PTPN14: variants seen among roughly 807,000 people sequenced by gnomAD.
PTPN14 encodes the protein protein tyrosine phosphatase non-receptor type 14, also known as tyrosine-protein phosphatase non-receptor type 14.
PTPN14 carries 53 observed loss-of-function variants against 126.8 expected under a neutral mutation model. That is an observed-to-expected ratio of 0.42 (90% CI 0.34 to 0.53). The LOEUF is 0.53. Ranked by LOEUF, PTPN14 falls within the 20% of genes least tolerant of loss-of-function variation. The pLI, the probability that PTPN14 is intolerant of heterozygous loss-of-function variation, is 0.08. For synonymous variants in PTPN14, 630 were observed against 599.3 expected (o/e 1.05, Z -0.75); for missense variants, 1,257 against 1,552.9 (o/e 0.81, Z 3.20).
intron 1 of PTPN14, among the ~76,000 whole-genome samples, chr1:214,476,715 G>T (rs1200357041): frequency 1.3e-5 from 2 of 152,164 alleles, no homozygotes; most frequent in Non-Finnish European, 2.9e-5. Flanking sequence ...CCATGCCTAA[G>T]CCACTTACAC....
chr1:214,448,274 A>G (rs1398501921), intron 3 of PTPN14, among the ~76,000 whole-genome samples: 1 of 152,196 alleles, frequency 6.6e-6, no homozygotes, highest in Non-Finnish European at 1.5e-5. Flanking sequence ...TCTGTCGCCC[A>G]GGCTGGAGTG....
At chr1:214,491,130 T>C (rs539199644) in intron 1 of PTPN14, among the ~76,000 whole-genome samples, 1 of 151,918 alleles carries the variant, frequency 6.6e-6, no homozygotes, top group Non-Finnish European at 1.5e-5. Flanking sequence ...CCCAGTGGCA[T>C]GGGCAAGATT....
chr1:214,416,797 A>G (rs1181951999), intron 3 of PTPN14, among the ~76,000 whole-genome samples: 1 of 152,246 alleles, frequency 6.6e-6, no homozygotes, highest in Non-Finnish European at 1.5e-5. Context: ...ACAATTTTGC[A>G]CAAAAGGCAG....
At chr1:214,424,113 T>C (rs896466112) in intron 3 of PTPN14, among the ~76,000 whole-genome samples, 1 of 152,042 alleles carries the variant, frequency 6.6e-6, no homozygotes, top group African/African-American at 2.4e-5. Context: ...CTGGCCAAGA[T>C]GGTGAAACCC....
At chr1:214,475,132 T>C (rs766361419) in intron 1 of PTPN14, among the ~76,000 whole-genome samples, 11 of 152,072 alleles carry the variant, frequency 7.2e-5, no homozygotes, top group Non-Finnish European at 1.5e-4. Context: ...GTGCCTAAAA[T>C]TTCCATAATA....
intron 3 of PTPN14, among the ~76,000 whole-genome samples, chr1:214,434,905 G>T (rs1659878341): frequency 6.6e-6 from 1 of 152,150 alleles, no homozygotes; most frequent in African/African-American, 2.4e-5. Flanking sequence ...CTATGAGACT[G>T]GTTTCTTGAA....
chr1:214,452,107 T>C lies in PTPN14; in HGVS notation c.175-133A>G, dbSNP rs1014654656. 1.6e-5 allele frequency: 16 copies of C among 977,528 alleles called. No homozygotes were observed. The East Asian group carries it at 3.7e-4, about 23-fold the overall frequency. The allele number at this position is 977,528 out of a possible 1,614,324, so 60.6% of individuals were successfully genotyped here. ...CCATATATAAGATCCAGCTTTGACA[T>C]ATAACTTTGGGACTAATCAAAAGAA... On this transcript the variant is annotated intron_variant, in intron 2 of 18. Coordinates refer to ENST00000366956, the MANE Select transcript of PTPN14 (RefSeq NM_005401.5).
intron 1 of PTPN14, among the ~76,000 whole-genome samples, chr1:214,490,794 G>A (rs530138201): frequency 7.0e-6 from 1 of 142,864 alleles, no homozygotes; most frequent in African/African-American, 2.6e-5. Flanking sequence ...CCGAGATTGC[G>A]CCACTGCACT....
intron 3 of PTPN14, among the ~76,000 whole-genome samples, chr1:214,447,446 A>G (rs1451136345): frequency 6.6e-6 from 1 of 152,136 alleles, no homozygotes; most frequent in East Asian, 1.9e-4. Context: ...TCTCTAGTCC[A>G]TAAGCCTACA....
At chr1:214,358,348 C>G (rs994403604) in intron 18 of PTPN14, among the ~76,000 whole-genome samples, 1 of 152,166 alleles carries the variant, frequency 6.6e-6, no homozygotes, top group East Asian at 1.9e-4. Context: ...TTCACTGCAG[C>G]CTTCAACTCC....
intron 3 of PTPN14, among the ~76,000 whole-genome samples, chr1:214,420,459 G>T (rs1659519309): frequency 6.6e-6 from 1 of 151,918 alleles, no homozygotes. Context: ...TTCCTAAAAA[G>T]GATAATATTT....
At position 214,502,049 on chromosome 1, in the gene PTPN14, G is replaced by T. The variant is rs374240326; in HGVS notation, c.-154-37092C>A. Among the ~76,000 whole-genome samples, 544 of 118,952 alleles carry T rather than the reference G, an allele frequency of 4.6e-3. 7 individuals are homozygous for T. The highest frequency in any genetic ancestry group is 0.019 in the African/African-American group (512 of 26,432). 78.0% of individuals were successfully genotyped at this position (118,952 alleles called of 152,430 possible). A position where few individuals can be genotyped will look rare whatever the true frequency, so the allele number is the denominator to read the frequency against. On this transcript the variant is annotated intron_variant, in intron 1 of 18. Coordinates refer to ENST00000366956, the MANE Select transcript of PTPN14 (RefSeq NM_005401.5). ...CCTCCAGCCTGGGCGACGGTGCAAG[G>T]CTCTGTCTCAAAAAAAAAAAAAAAA...
At chr1:214,483,676 C>T (rs12760252) in intron 1 of PTPN14, among the ~76,000 whole-genome samples, 2 of 152,168 alleles carry the variant, frequency 1.3e-5, no homozygotes, top group Admixed American at 1.3e-4. Flanking sequence ...ATATATTTAA[C>T]TCTCATTATG....
intron 18 of PTPN14, among the ~76,000 whole-genome samples, chr1:214,363,452 G>A (rs1658001441): frequency 6.6e-6 from 1 of 152,118 alleles, no homozygotes; most frequent in Admixed American, 6.5e-5. Flanking sequence ...CCTCCACAGA[G>A]TTGCAACAAA....
rs530801251 is a variant in PTPN14, at chr1:214,465,602, G to C, written c.-154-645C>G. Among the ~76,000 whole-genome samples, 511 of 152,178 alleles carry C rather than the reference G, an allele frequency of 3.4e-3. 2 individuals carry two copies. Among genetic ancestry groups the C allele is most frequent in the African/African-American group, 0.012 (502 of 41,514 alleles). ...TGCCTGCACTCCAGCTTGGGCAACA[G>C]AGTAAGATTCTGTCTCAAACAAAAA... On this transcript the variant is annotated intron_variant, in intron 1 of 18. Transcript: ENST00000366956.
At chr1:214,525,891 G>A (rs956955343) in intron 1 of PTPN14, among the ~76,000 whole-genome samples, 9 of 152,012 alleles carry the variant, frequency 5.9e-5, no homozygotes, top group South Asian at 2.1e-4. Flanking sequence ...GACTTGGCCC[G>A]TTACACATCT....
chr1:214,508,192 C>T (rs1223156350), intron 1 of PTPN14, among the ~76,000 whole-genome samples: 4 of 152,170 alleles, frequency 2.6e-5, no homozygotes, highest in African/African-American at 7.2e-5. Flanking sequence ...TTGACTCTTC[C>T]TTTCATGAAA....
At chr1:214,429,443 A>G (rs1184455631) in intron 3 of PTPN14, among the ~76,000 whole-genome samples, 2 of 152,228 alleles carry the variant, frequency 1.3e-5, no homozygotes, top group Admixed American at 6.5e-5. Flanking sequence ...CTAGAGTACT[A>G]CATGCTTTTA....
At position 214,351,313 on chromosome 1, in the gene PTPN14, AG is replaced by A. The variant is rs1657705203; in HGVS notation, c.*6608del. 2.0e-5 allele frequency: 3 copies of A among 151,174 alleles called. No homozygotes were observed. The highest frequency in any genetic ancestry group is 4.9e-5 in the African/African-American group (2 of 40,890). 9.4% of individuals were successfully genotyped at this position (151,174 alleles called of 1,614,324 possible). A position where few individuals can be genotyped will look rare whatever the true frequency, so the allele number is the denominator to read the frequency against. ...ACTAAAAAAAAAAAAAAAAAGAAAA[AG>A]AAAAAAAAAAAGGCAGCAGACCCTA... On this transcript the variant is annotated 3_prime_UTR_variant, in exon 19 of 19. Coordinates refer to ENST00000366956, the MANE Select transcript of PTPN14 (RefSeq NM_005401.5).
Sources: allele counts gnomAD v4.1 joint callset (sites outside exome capture counted in the v4.1 genomes callset), GRCh38; gene constraint gnomAD v4.1.1; transcripts MANE v1.5; gene names NCBI Gene and HGNC (gene_info 2026-07-23, HGNC 2026-07-21).